The following KAT7 variants were observed in gnomAD, a reference collection of about 807,000 sequenced individuals.
KAT7 encodes the protein histone acetyltransferase KAT7.
A neutral mutation model predicts 82.1 loss-of-function variants in KAT7; 10 were observed. The observed-to-expected ratio is 0.12, with a 90% CI of 0.08 to 0.21. The LOEUF (loss-of-function observed/expected upper bound fraction) is 0.21, where lower values mean the gene tolerates loss of function less well. Ranked by LOEUF, KAT7 falls within the 10% of genes least tolerant of loss-of-function variation. The probability of loss-of-function intolerance (pLI) is 1.00; values close to 1 mark genes in which losing one functional copy is unlikely to be tolerated. For synonymous variants in KAT7, 250 were observed against 262.5 expected, an observed-to-expected ratio of 0.95 and a Z score of 0.46; for missense variants, 378 against 760.9, an observed-to-expected ratio of 0.50 and a Z score of 5.92.
intron 9 of KAT7, among the ~76,000 whole-genome samples, chr17:49,820,644 T>G (rs1806875575): frequency 6.6e-6 from 1 of 151,970 alleles, no homozygotes; most frequent in Non-Finnish European, 1.5e-5. Context: ...GCTGGCTGGC[T>G]GCATTAAAAC....
chr17:49,799,161 T>C (rs1356101442), intron 4 of KAT7, among the ~76,000 whole-genome samples: 1 of 152,216 alleles, frequency 6.6e-6, no homozygotes, highest in African/African-American at 2.4e-5. Context: ...TTCTTGTGGT[T>C]TGAACCTTAT....
intron 7 of KAT7, among the ~76,000 whole-genome samples, chr17:49,812,381 C>G (rs1239704297): frequency 6.6e-6 from 1 of 151,790 alleles, no homozygotes; most frequent in South Asian, 2.1e-4. Context: ...TGTGCCACCA[C>G]GCCCAGCTAA....
Position 49,833,221 on chromosome 17 carries a change from C to T in KAT7, c.*5719C>T, listed in dbSNP as rs147803412. 1 of 152,356 alleles carries T rather than the reference C, an allele frequency of 6.6e-6. No homozygotes were observed. Among genetic ancestry groups the T allele is most frequent in the East Asian group, 1.9e-4 (1 of 5,190 alleles). 9.4% of individuals were successfully genotyped at this position (152,356 alleles called of 1,614,324 possible). Reference sequence around the variant, plus strand: ...CTGTACTATTGTACAACTCTGGCTCCATGGCTCCTCACAAATGTTCCATGT... The same window carrying T: ...CTGTACTATTGTACAACTCTGGCTCTATGGCTCCTCACAAATGTTCCATGT... On this transcript the variant is annotated 3_prime_UTR_variant, in exon 15 of 15. Coordinates refer to ENST00000259021, the MANE Select transcript of KAT7 (RefSeq NM_007067.5).
At chr17:49,793,534 T>C (rs2073915519) in intron 2 of KAT7, among the ~76,000 whole-genome samples, 3 of 150,918 alleles carry the variant, frequency 2.0e-5, no homozygotes, top group South Asian at 4.2e-4. Flanking sequence ...AAAAAAACTT[T>C]AACATGTTTT....
chr17:49,800,923 G>A (rs1227831043), intron 4 of KAT7, among the ~76,000 whole-genome samples: 1 of 152,094 alleles, frequency 6.6e-6, no homozygotes, highest in Non-Finnish European at 1.5e-5. Flanking sequence ...ACATTTGAGC[G>A]GAGACTTGCT....
chr17:49,792,488 A>G lies in KAT7; in HGVS notation c.163+455A>G, dbSNP rs1222267567. ...CTAAAACAATATGCATTCAGTGGAA[A>G]CTTTTAGAATTTTGAATTTCGGTCT... On this transcript the variant is annotated intron_variant, in intron 2 of 14. Coordinates refer to ENST00000259021, the MANE Select transcript of KAT7 (RefSeq NM_007067.5). 4.6e-5 allele frequency among the ~76,000 whole-genome samples: 7 copies of G among 151,758 alleles called. No individual in the cohort carries two copies. In the East Asian group the frequency reaches 1.3e-3, roughly 29 times the overall value.
intron 4 of KAT7, among the ~76,000 whole-genome samples, chr17:49,803,502 G>A (rs892005136): frequency 2.0e-5 from 3 of 151,748 alleles, no homozygotes; most frequent in African/African-American, 4.8e-5. Context: ...TCGGCTCACC[G>A]CAAGCTCCGC....
chr17:49,790,936 A>G (rs988719705), intron 1 of KAT7, among the ~76,000 whole-genome samples: 1 of 152,180 alleles, frequency 6.6e-6, no homozygotes, highest in African/African-American at 2.4e-5. Flanking sequence ...TTAATTGATA[A>G]AAGTTATCTT....
chr17:49,812,936 C>T lies in KAT7; in HGVS notation c.852+1362C>T, dbSNP rs141074867. ...CAGGCTGGTCTTGAACTCCTGACCT[C>T]GTGATCCACCCGCCTCGGCCTCCCG... On this transcript the variant is annotated intron_variant, in intron 7 of 14. Coordinates refer to ENST00000259021, the MANE Select transcript of KAT7 (RefSeq NM_007067.5). 8.6e-3 allele frequency among the ~76,000 whole-genome samples: 1,285 copies of T among 149,912 alleles called. 11 individuals are homozygous for T. Among genetic ancestry groups the T allele is most frequent in the African/African-American group, 0.013 (513 of 40,718 alleles).
chr17:49,794,564 G>A (rs2073930915), intron 2 of KAT7, among the ~76,000 whole-genome samples: 1 of 152,266 alleles, frequency 6.6e-6, no homozygotes. Context: ...GGGATTACAG[G>A]CGTGAGCCGC....
chr17:49,809,104 T>C lies in KAT7; in HGVS notation c.664-15T>C, dbSNP rs2074129425. 1 of 1,607,382 alleles carries C rather than the reference T, an allele frequency of 6.2e-7. No homozygotes were observed. Among genetic ancestry groups the C allele is most frequent in the Admixed American group, 1.7e-5 (1 of 59,906 alleles). ...TAGAAGCAGGTGGATTTATTGACGT[T>C]GTTGATGGTTGCAGGTGAGAGCACA... On this transcript the variant is annotated splice_polypyrimidine_tract_variant and intron_variant, in intron 5 of 14. Transcript: ENST00000259021.
chr17:49,809,182 A>C lies in KAT7; in HGVS notation c.727A>C (p.Asn243His). 1 of 1,614,140 alleles carries C rather than the reference A, an allele frequency of 6.2e-7. No individual in the cohort carries two copies. The highest frequency in any genetic ancestry group is 8.5e-7 in the Non-Finnish European group (1 of 1,179,972). The change falls in exon 6 of 15, where the codon AAC (asparagine) becomes CAC (histidine). Residue 243 changes from asparagine (N) to histidine (H), a missense_variant. Physicochemically the swap from Asn to His is moderately conservative, Grantham distance 68 (BLOSUM62 1). Transcript: ENST00000259021. ...ERMLSHRQDD[N>H]NRHATRHQAP... ...GATGCTGTCTCACAGGCAAGATGAC[A>C]ACAACAGGCATGCAACCAGGCACCA...
chr17:49,795,035 G>A (rs567678863), intron 2 of KAT7, among the ~76,000 whole-genome samples: 30 of 151,186 alleles, frequency 2.0e-4, no homozygotes, highest in Non-Finnish European at 2.8e-4. Context: ...ATATACGTTG[G>A]GGGGTGCAGC....
intron 6 of KAT7, 39 bp from the exon 7 acceptor site, chr17:49,811,437 T>A (rs1226072958): frequency 9.5e-7 from 1 of 1,048,358 alleles, no homozygotes; most frequent in African/African-American, 1.6e-5. Context: ...CTTAGCTTTA[T>A]AAGGAGTTTT....
chr17:49,791,806 A>G, intron 1 of KAT7, 80 bp from the exon 2 acceptor site: 3 of 1,428,756 alleles, frequency 2.1e-6, no homozygotes, highest in Non-Finnish European at 2.0e-6. Context: ...TCAGTGTCAC[A>G]GCTTGTTTTA....
At chr17:49,791,821 C>G in intron 1 of KAT7, 65 bp from the exon 2 acceptor site, 1 of 1,511,228 alleles carries the variant, frequency 6.6e-7, no homozygotes, top group South Asian at 1.1e-5. Context: ...GTTTTATTTT[C>G]AATGTTAATG....
intron 8 of KAT7, 85 bp from the exon 9 acceptor site, chr17:49,817,735 G>A: frequency 1.8e-6 from 2 of 1,084,678 alleles, no homozygotes; most frequent in South Asian, 3.0e-5. Flanking sequence ...CCAAAGTGTT[G>A]GGATTACAGG....
chr17:49,809,293 G>A (rs2143916722), intron 6 of KAT7, 85 bp downstream of exon 6: 1 of 926,462 alleles, frequency 1.1e-6, no homozygotes. Context: ...AGGCATGTCT[G>A]TGCCTCATTT....
At chr17:49,789,028 GCCTATGCTTGCAACTATTCCCGC>G in intron 1 of KAT7, 179 bp downstream of exon 1, 1 of 480,152 alleles carries the variant, frequency 2.1e-6, no homozygotes, top group East Asian at 3.5e-5. Flanking sequence ...CCTGGCCTCG[GCCTATGCTTGCAACTATTCCCGC>G]CCTCTGCTTG....
Sources: gnomAD v4.1 joint callset for allele counts (sites outside exome capture counted in the v4.1 genomes callset) on GRCh38, gnomAD v4.1.1 for gene constraint, MANE v1.5 for transcripts, NCBI Gene and HGNC (gene_info 2026-07-23, HGNC 2026-07-21) for gene names.